IVNS1ABP: variants seen among roughly 807,000 people sequenced by gnomAD.
IVNS1ABP encodes the protein influenza virus NS1A binding protein, also known as influenza virus NS1A-binding protein.
Under a neutral mutation model 78.9 loss-of-function variants are expected in IVNS1ABP, and 25 were observed. The observed-to-expected ratio is 0.32, with a 90% CI of 0.23 to 0.44. IVNS1ABP has a LOEUF of 0.44. Among genes scored for constraint, IVNS1ABP ranks in the 20% least tolerant of loss-of-function variants. The pLI is 1.00. For missense variants in IVNS1ABP, 494 were observed against 768.9 expected, an observed-to-expected ratio of 0.64 and a Z score of 4.23; for synonymous variants, 241 against 259.7, an observed-to-expected ratio of 0.93 and a Z score of 0.69.
At position 185,296,551 on chromosome 1, in the gene IVNS1ABP, C is replaced by A. The variant is rs1425013182; in HGVS notation, c.*1484G>T. 6.6e-6 allele frequency: 1 copy of A among 152,196 alleles called. No individual in the cohort carries two copies. The highest frequency in any genetic ancestry group is 1.9e-4 in the East Asian group (1 of 5,184). 9.4% of individuals were successfully genotyped at this position (152,196 alleles called of 1,614,324 possible). ...AGTTAGGAATTACAGAGTTACCAACCAAACTGATTTGCTTTCCTGGTGGTT... is the reference window on the plus strand; with the variant it reads ...AGTTAGGAATTACAGAGTTACCAACAAAACTGATTTGCTTTCCTGGTGGTT... On this transcript the variant is annotated 3_prime_UTR_variant, in exon 15 of 15. Transcript: ENST00000367498.
At chr1:185,316,543 C>T (rs1033541738) in intron 1 of IVNS1ABP, among the ~76,000 whole-genome samples, 58 of 152,354 alleles carry the variant, frequency 3.8e-4, no homozygotes, top group African/African-American at 1.3e-3. Context: ...TTCCTGACAG[C>T]AAGAACGGGG....
At chr1:185,306,872 C>T (rs1553273409) in intron 7 of IVNS1ABP, 142 bp downstream of exon 7, 1 of 890,936 alleles carries the variant, frequency 1.1e-6, no homozygotes, top group Non-Finnish European at 1.7e-6. Flanking sequence ...GACACCCCCC[C>T]TGTTTCTCAG....
intron 1 of IVNS1ABP, among the ~76,000 whole-genome samples, chr1:185,315,545 T>C (rs1404876426): frequency 1.3e-5 from 2 of 152,212 alleles, no homozygotes; most frequent in East Asian, 3.8e-4. Context: ...GCTACCAAAT[T>C]ATAAGCTTGA....
At chr1:185,315,497 C>A (rs1038649291) in intron 1 of IVNS1ABP, among the ~76,000 whole-genome samples, 3 of 152,188 alleles carry the variant, frequency 2.0e-5, no homozygotes, top group African/African-American at 7.2e-5. Flanking sequence ...CATTCCAGGG[C>A]TCTCTTTGGT....
At chr1:185,316,469 G>A (rs1051251482) in intron 1 of IVNS1ABP, among the ~76,000 whole-genome samples, 15 of 152,116 alleles carry the variant, frequency 9.9e-5, no homozygotes, top group African/African-American at 3.1e-4. Flanking sequence ...CACACGAGCC[G>A]AGTCTCGAGA....
chr1:185,305,876 G>A lies in IVNS1ABP; in HGVS notation c.658-233C>T, dbSNP rs992098694. 21 of 462,606 alleles carry A rather than the reference G, an allele frequency of 4.5e-5. No homozygotes were observed. In the East Asian group the frequency reaches 7.0e-4, roughly 16 times the overall value. 28.7% of individuals were successfully genotyped at this position (462,606 alleles called of 1,614,324 possible). A position where few individuals can be genotyped will look rare whatever the true frequency, so the allele number is the denominator to read the frequency against. ...AAAATCTTCCAATACTGGCTGAAGA[G>A]TCGTTGGCTTGATTGGCTTGAAAGA... is the stretch of plus-strand genomic sequence containing the variant. On this transcript the variant is annotated intron_variant, in intron 7 of 14. Transcript: ENST00000367498. The surrounding 1 kb of genome is among the most constrained non-coding windows in gnomAD (Gnocchi z 4.0).
chr1:185,297,936 G>T lies in IVNS1ABP; in HGVS notation c.*99C>A. 8.6e-7 allele frequency: 1 copy of T among 1,159,922 alleles called. No homozygotes were observed. Among genetic ancestry groups the T allele is most frequent in the Non-Finnish European group, 1.2e-6 (1 of 809,368 alleles). The allele number at this position is 1,159,922 out of a possible 1,614,324, so 71.9% of individuals were successfully genotyped here. ...ATGCAAAAGCTTTGTGTTGCTGTTA[G>T]CAACATCTATACCCACCCACCCTCT... On this transcript the variant is annotated 3_prime_UTR_variant, in exon 15 of 15. Transcript: ENST00000367498.
At chr1:185,300,933 C>G in intron 10 of IVNS1ABP, 39 bp downstream of exon 10, 1 of 1,516,526 alleles carries the variant, frequency 6.6e-7, no homozygotes. Context: ...CAAAAATGCC[C>G]ATCTACATGC....
intron 5 of IVNS1ABP, chr1:185,308,064 T>C: frequency 6.5e-7 from 1 of 1,544,444 alleles, no homozygotes; most frequent in Non-Finnish European, 8.7e-7. Flanking sequence ...TAGGAAATAG[T>C]TTTGGAAAGA....
intron 1 of IVNS1ABP, among the ~76,000 whole-genome samples, chr1:185,313,864 G>A (rs1036850438): frequency 3.9e-5 from 6 of 152,132 alleles, no homozygotes; most frequent in African/African-American, 1.4e-4. Flanking sequence ...ATACTTCTAT[G>A]GCCACTGCAA....
At chr1:185,309,218 C>T in intron 3 of IVNS1ABP, 46 bp from the exon 4 acceptor site, 1 of 1,383,048 alleles carries the variant, frequency 7.2e-7, no homozygotes, top group Non-Finnish European at 9.8e-7. Context: ...GGATTATGTG[C>T]TTCTCTAGCT....
At position 185,308,987 on chromosome 1, in the gene IVNS1ABP, C is replaced by G. The variant is rs1665814832; in HGVS notation, c.281+16G>C. 2.5e-6 allele frequency: 4 copies of G among 1,597,628 alleles called. No individual in the cohort carries two copies. Among genetic ancestry groups the G allele is most frequent in the South Asian group, 1.1e-5 (1 of 88,660 alleles). On this transcript the variant is annotated intron_variant, in intron 4 of 14. Transcript: ENST00000367498. The stretch of plus-strand genomic sequence containing the variant: ...AGATATTCCCTAATTATATGGTTTA[C>G]TTCAAATGTACTTACTGAGCAGTGT...
rs1041201467 is a variant in IVNS1ABP, at chr1:185,305,307, C to A, written c.765+229G>T. On this transcript the variant is annotated intron_variant, in intron 8 of 14. Transcript: ENST00000367498. The surrounding 1 kb of genome is among the most constrained non-coding windows in gnomAD (Gnocchi z 4.0). The stretch of plus-strand genomic sequence containing the variant: ...TTATTGGCCTTTACTGTTTGTAATT[C>A]CTGCTTTATGAGAAAAAAATTTCAA... Among the ~76,000 whole-genome samples, 2 of 152,030 alleles carry A rather than the reference C, an allele frequency of 1.3e-5. No homozygotes were observed. Among genetic ancestry groups the A allele is most frequent in the Non-Finnish European group, 2.9e-5 (2 of 67,984 alleles).
chr1:185,316,488 A>G (rs1162829078), intron 1 of IVNS1ABP, among the ~76,000 whole-genome samples: 22 of 152,170 alleles, frequency 1.4e-4, no homozygotes, highest in Non-Finnish European at 1.2e-4. Context: ...GAGCTCTTCC[A>G]GAAGAGAATC....
At chr1:185,300,760 T>A in intron 10 of IVNS1ABP, 1 of 703,746 alleles carries the variant, frequency 1.4e-6, no homozygotes, top group Non-Finnish European at 2.3e-6. Flanking sequence ...TAGTCTTGGC[T>A]TGAATATTAG....
In IVNS1ABP at chr1:185,307,610, TAA is replaced by T. The variant is rs779885073; in HGVS notation, c.408_409del (p.Tyr137ProfsTer15). On this transcript the variant is annotated frameshift_variant, in exon 6 of 15. Coordinates refer to ENST00000367498, the MANE Select transcript of IVNS1ABP (RefSeq NM_006469.5). LOFTEE classifies it high-confidence loss of function. Reference sequence around the variant, plus strand: ...TCCCATACAACTTGCAAAATTTCGGTAAGAGATGCAGCTGGTAACATCCATTC... The same window carrying T: ...TCCCATACAACTTGCAAAATTTCGGTGAGATGCAGCTGGTAACATCCATTC... 1 of 1,613,690 alleles carries T rather than the reference TAA, an allele frequency of 6.2e-7. No homozygotes were observed. The highest frequency in any genetic ancestry group is 8.5e-7 in the Non-Finnish European group (1 of 1,179,700).
intron 2 of IVNS1ABP, among the ~76,000 whole-genome samples, chr1:185,309,841 A>G (rs1665838331): frequency 1.3e-5 from 2 of 152,202 alleles, no homozygotes; most frequent in Non-Finnish European, 2.9e-5. Context: ...CCAAACCCAT[A>G]TAATAAGTAA....
chr1:185,301,279 C>T, intron 9 of IVNS1ABP, 83 bp from the exon 10 acceptor site: 1 of 1,393,364 alleles, frequency 7.2e-7, no homozygotes, highest in East Asian at 2.3e-5. Context: ...CTCCAGTCTC[C>T]ACATCCCAGA....
chr1:185,309,251 A>T (rs1159105310), intron 3 of IVNS1ABP, 79 bp from the exon 4 acceptor site: 3 of 1,228,278 alleles, frequency 2.4e-6, no homozygotes, highest in African/African-American at 1.5e-5. Flanking sequence ...AGATTCCTTT[A>T]TCTTACATTT....
Sources: gnomAD v4.1 joint callset for allele counts (sites outside exome capture counted in the v4.1 genomes callset) on GRCh38, gnomAD v4.1.1 for gene constraint, Gnocchi (gnomAD v3.1) non-coding constraint, MANE v1.5 for transcripts, NCBI Gene and HGNC (gene_info 2026-07-23, HGNC 2026-07-21) for gene names.